RFWD3: variants seen among roughly 807,000 people sequenced by gnomAD.
RFWD3 encodes the protein ring finger and WD repeat domain 3, also known as E3 ubiquitin-protein ligase RFWD3.
A neutral mutation model predicts 87.7 loss-of-function variants in RFWD3; 65 were observed. The observed-to-expected ratio is 0.74, with a 90% confidence interval of 0.61 to 0.91. RFWD3 has a LOEUF of 0.91. Among genes scored for constraint, RFWD3 ranks in the 40% least tolerant of loss-of-function variants. RFWD3 has a pLI of 0.00. For synonymous variants in RFWD3, 433 were observed against 352.8 expected, an observed-to-expected ratio of 1.23 and a Z score of -2.55; for missense variants, 1,078 against 938.5, an observed-to-expected ratio of 1.15 and a Z score of -1.94.
Position 74,650,616 on chromosome 16 carries a change from G to A in RFWD3, c.721+1304C>T, listed in dbSNP as rs1960486376. Among the ~76,000 whole-genome samples the A allele has an allele frequency of 2.0e-5, 3 of 151,808 alleles. No individual in the cohort carries two copies. In the South Asian group the frequency reaches 6.2e-4, roughly 32 times the overall value. Reference sequence around the variant, plus strand: ...TTGCCTAGATATATAATTTAATTGGGGGTCACAAAATGATGACTTTTCTAT... The same window carrying A: ...TTGCCTAGATATATAATTTAATTGGAGGTCACAAAATGATGACTTTTCTAT... On this transcript the variant is annotated intron_variant, in intron 3 of 12. Transcript: ENST00000361070.
At chr16:74,655,630 T>C (rs902621826) in intron 2 of RFWD3, among the ~76,000 whole-genome samples, 8 of 146,160 alleles carry the variant, frequency 5.5e-5, no homozygotes, top group African/African-American at 1.7e-4. Flanking sequence ...CTCTCTCTCT[T>C]TTTTTTTGAG....
intron 2 of RFWD3, among the ~76,000 whole-genome samples, chr16:74,657,700 G>C (rs913803745): frequency 6.6e-6 from 1 of 151,910 alleles, no homozygotes; most frequent in Non-Finnish European, 1.5e-5. Context: ...TCTCGAACTC[G>C]TGACCTCAGG....
At position 74,623,733 on chromosome 16, in the gene RFWD3, CT is replaced by C. The variant is rs1471328434; in HGVS notation, c.*194del. The C allele has an allele frequency of 1.8e-6, 1 of 546,638 alleles. No homozygotes were observed. The highest frequency in any genetic ancestry group is 3.2e-6 in the Non-Finnish European group (1 of 312,650). The allele number at this position is 546,638 out of a possible 1,614,324, so 33.9% of individuals were successfully genotyped here. On this transcript the variant is annotated 3_prime_UTR_variant, in exon 13 of 13. Transcript: ENST00000361070. The stretch of plus-strand genomic sequence containing the variant: ...GTAGATAAAGTACCCATCAATTACT[CT>C]TTTAGTGGACATAACAGATACACAA...
Position 74,651,917 on chromosome 16 carries a change from G to A in RFWD3, c.721+3C>T. 1 of 1,613,530 alleles carries A rather than the reference G, an allele frequency of 6.2e-7. No homozygotes were observed. The highest frequency in any genetic ancestry group is 8.5e-7 in the Non-Finnish European group (1 of 1,179,648). Reference sequence around the variant, plus strand: ...TGAGTCCAAACCTGGGTAAAATACTGACCTTCTAAAATGACAGCTCCAGAT... The same window carrying A: ...TGAGTCCAAACCTGGGTAAAATACTAACCTTCTAAAATGACAGCTCCAGAT... On this transcript the variant is annotated splice_donor_region_variant and intron_variant, in intron 3 of 12. Coordinates refer to ENST00000361070, the MANE Select transcript of RFWD3 (RefSeq NM_018124.4).
chr16:74,665,841 G>A (rs1167883810), intron 1 of RFWD3, among the ~76,000 whole-genome samples: 1 of 151,992 alleles, frequency 6.6e-6, no homozygotes, highest in African/African-American at 2.4e-5. Context: ...CGGCCTCCCG[G>A]GTTCAAGCGA....
intron 4 of RFWD3, among the ~76,000 whole-genome samples, chr16:74,647,930 T>C (rs1420111030): frequency 1.3e-5 from 2 of 151,958 alleles, no homozygotes; most frequent in South Asian, 2.1e-4. Flanking sequence ...CTACTAACCA[T>C]ATTCTGCCTG....
chr16:74,656,216 G>C (rs1004562726), intron 2 of RFWD3, among the ~76,000 whole-genome samples: 2 of 144,966 alleles, frequency 1.4e-5, no homozygotes, highest in South Asian at 4.4e-4. Flanking sequence ...GAGGATCGAG[G>C]ATCACCTGAG....
chr16:74,629,807 G>C (rs940385501), intron 10 of RFWD3, among the ~76,000 whole-genome samples: 1 of 152,034 alleles, frequency 6.6e-6, no homozygotes, highest in African/African-American at 2.4e-5. Context: ...TAAATTATCT[G>C]TTAAGATACT....
intron 6 of RFWD3, among the ~76,000 whole-genome samples, chr16:74,638,440 T>C (rs955685956): frequency 3.9e-5 from 6 of 152,082 alleles, no homozygotes; most frequent in African/African-American, 1.4e-4. Context: ...GGAAAAAGCA[T>C]AAATAGGCAT....
intron 1 of RFWD3, chr16:74,665,298 T>C (rs533447416): frequency 3.9e-5 from 6 of 152,182 alleles, no homozygotes; most frequent in East Asian, 3.9e-4. Flanking sequence ...AAAAGAAAAA[T>C]AGAACAGGTC....
chr16:74,625,583 T>C (rs748617245), intron 12 of RFWD3, among the ~76,000 whole-genome samples: 13 of 151,434 alleles, frequency 8.6e-5, no homozygotes, highest in Non-Finnish European at 1.3e-4. Context: ...TCTTCTGCCA[T>C]TGACTTGTTG....
Position 74,661,327 on chromosome 16 carries a change from A to G in RFWD3, c.123T>C (p.Ala41=), listed in dbSNP as rs370695654. ...GGPALLQPVP[A]DVVSSQGVPS... ...GTACCCCCTGGCTGCTGACCACATC[A>G]GCAGGAACAGGCTGGAGGAGGGCTG... The change falls in exon 2 of 13, where the codon GCT becomes GCC. Residue 41 remains alanine (A), a synonymous_variant. Coordinates refer to ENST00000361070, the MANE Select transcript of RFWD3 (RefSeq NM_018124.4). 2.9e-5 allele frequency: 46 copies of G among 1,613,800 alleles called. No individual in the cohort carries two copies. The highest frequency in any genetic ancestry group is 3.3e-4 in the Middle Eastern group (2 of 6,082).
At chr16:74,645,172 T>C (rs543760847) in intron 4 of RFWD3, among the ~76,000 whole-genome samples, 1 of 152,338 alleles carries the variant, frequency 6.6e-6, no homozygotes, top group African/African-American at 2.4e-5. Flanking sequence ...CTGGTATAAA[T>C]TGATGTCTGA....
intron 8 of RFWD3, among the ~76,000 whole-genome samples, chr16:74,634,991 C>T (rs1959181827): frequency 6.6e-6 from 1 of 151,910 alleles, no homozygotes; most frequent in African/African-American, 2.4e-5. Context: ...CAAAAATTAA[C>T]TAGGCATAGC....
At chr16:74,633,103 C>A (rs1597416488) in intron 8 of RFWD3, among the ~76,000 whole-genome samples, 1 of 151,800 alleles carries the variant, frequency 6.6e-6, no homozygotes, top group Non-Finnish European at 1.5e-5. Context: ...ACAGTGAAAC[C>A]CTGTCTCTAC....
chr16:74,655,107 GA>G (rs1221712457), intron 2 of RFWD3, among the ~76,000 whole-genome samples: 1 of 151,416 alleles, frequency 6.6e-6, no homozygotes, highest in Non-Finnish European at 1.5e-5. Context: ...CAGTGTAGAT[GA>G]AACACCCCTC....
chr16:74,660,916 C>T lies in RFWD3; in HGVS notation c.518+16G>A, dbSNP rs547202689. ...AGTACAGCAATGATCACAGACTTAT[C>T]CATATATTTATTTACCTGGCACTGT... On this transcript the variant is annotated intron_variant, in intron 2 of 12. Transcript: ENST00000361070. 4 of 1,602,224 alleles carry T rather than the reference C, an allele frequency of 2.5e-6. No homozygotes were observed. Among genetic ancestry groups the T allele is most frequent in the African/African-American group, 1.3e-5 (1 of 74,696 alleles).
At chr16:74,639,410 C>A (rs1959442047) in intron 6 of RFWD3, among the ~76,000 whole-genome samples, 1 of 152,164 alleles carries the variant, frequency 6.6e-6, no homozygotes, top group South Asian at 2.1e-4. Context: ...TCTTATGGGG[C>A]CACCATCGTA....
At position 74,661,097 on chromosome 16, in the gene RFWD3, T is replaced by C; in HGVS notation, c.353A>G (p.His118Arg). The C allele has an allele frequency of 4.3e-6, 7 of 1,614,238 alleles. No individual in the cohort carries two copies. The highest frequency in any genetic ancestry group is 1.6e-4 in the Middle Eastern group (1 of 6,062). Reference protein sequence around the residue: ...GNHTIPASSLHSMTNFISGLQ... With the variant: ...GNHTIPASSLRSMTNFISGLQ... Reference sequence around the variant, plus strand: ...TCCGCTGATGAAGTTGGTCATTGAATGCAACGAAGATGCTGGGATGGTGTG... The same window carrying C: ...TCCGCTGATGAAGTTGGTCATTGAACGCAACGAAGATGCTGGGATGGTGTG... The change falls in exon 2 of 13, where the codon CAT becomes CGT. Residue 118 changes from histidine (H) to arginine (R), a missense_variant. His to Arg is a conservative substitution (Grantham distance 29). Coordinates refer to ENST00000361070, the MANE Select transcript of RFWD3 (RefSeq NM_018124.4).
Sources: allele counts gnomAD v4.1 joint callset (sites outside exome capture counted in the v4.1 genomes callset), GRCh38; gene constraint gnomAD v4.1.1; transcripts MANE v1.5; gene names NCBI Gene and HGNC (gene_info 2026-07-23, HGNC 2026-07-21).